The following TPM3 variants were observed in gnomAD, a reference collection of about 807,000 sequenced individuals.
TPM3 encodes the protein tropomyosin alpha-3 chain.
TPM3 carries 16 observed loss-of-function variants against 43.1 expected under a neutral mutation model. The observed-to-expected ratio is 0.37, with a 90% CI of 0.25 to 0.56. TPM3 has a LOEUF of 0.56. TPM3 is among the 20% of genes least tolerant of loss of function. The pLI is 0.77. For synonymous variants in TPM3, 101 were observed against 116.9 expected, an observed-to-expected ratio of 0.86 and a Z score of 0.88; for missense variants, 176 against 337.2, an observed-to-expected ratio of 0.52 and a Z score of 3.74.
chr1:154,191,433 C>A (rs1663677560), intron 1 of TPM3, 122 bp from the exon 2 acceptor site: 1 of 1,528,488 alleles, frequency 6.5e-7, no homozygotes, highest in Admixed American at 1.9e-5. Context: ...GACACACTTT[C>A]TCCCCAGCCA....
chr1:154,171,323 T>C (rs1661548477), intron 6 of TPM3, 90 bp downstream of exon 6: 2 of 1,368,550 alleles, frequency 1.5e-6, no homozygotes, highest in Non-Finnish European at 2.1e-6. Context: ...CTCACTGGAT[T>C]ATATATGGAA....
downstream of TPM3, chr1:154,158,863 A>C (rs1450633324): frequency 4.0e-6 from 3 of 741,730 alleles, no homozygotes; most frequent in Non-Finnish European, 7.4e-6. Context: ...CAATTTGCTC[A>C]GGGCAAAATA....
At chr1:154,178,292 A>C in intron 2 of TPM3, 1 of 623,736 alleles carries the variant, frequency 1.6e-6, no homozygotes. Context: ...CAGCATTTAC[A>C]ATAGAATTCT....
chr1:154,158,957 G>A (rs1443052653), downstream of TPM3: 2 of 780,008 alleles, frequency 2.6e-6, no homozygotes, highest in Non-Finnish European at 2.4e-6. Flanking sequence ...GGGCATCATT[G>A]AGCCCTGCCC....
rs772468604 is a variant in TPM3, at chr1:154,176,091, A to G, written c.377+24T>C. 8 of 1,611,298 alleles carry G rather than the reference A, an allele frequency of 5.0e-6. No homozygotes were observed. The South Asian group carries it at 7.7e-5, about 16-fold the overall frequency. ...ACTATTATGAACTTTTAAAATCCAC[A>G]CTCCATCAGGCTTCCCTACACACCT... On this transcript the variant is annotated intron_variant, in intron 3 of 9. Transcript: ENST00000651641.
chr1:154,167,717 T>C lies in TPM3; in HGVS notation c.*220A>G. ...CTTCTTAGGGACAGCAACAGCTTTG[T>C]CAATGACACAAATGCAGGGTGGCAT... On this transcript the variant is annotated 3_prime_UTR_variant, in exon 10 of 10. Transcript: ENST00000651641. The C allele has an allele frequency of 7.1e-7, 1 of 1,412,640 alleles. No homozygotes were observed. Among genetic ancestry groups the C allele is most frequent in the Non-Finnish European group, 9.3e-7 (1 of 1,077,234 alleles). 87.5% of individuals were successfully genotyped at this position (1,412,640 alleles called of 1,614,324 possible). A position where few individuals can be genotyped will look rare whatever the true frequency, so the allele number is the denominator to read the frequency against.
intron 2 of TPM3, among the ~76,000 whole-genome samples, chr1:154,186,045 C>T (rs903608144): frequency 2.7e-4 from 41 of 151,482 alleles, no homozygotes; most frequent in East Asian, 1.9e-4. Flanking sequence ...TTGGAAATAC[C>T]GAGCAATGAG....
At chr1:154,185,409 C>T (rs1309972820) in intron 2 of TPM3, among the ~76,000 whole-genome samples, 4 of 137,656 alleles carry the variant, frequency 2.9e-5, no homozygotes, top group Non-Finnish European at 4.6e-5. Context: ...ACAGACCAGG[C>T]GCAGTGGCTC....
rs985739936 is a variant in TPM3 at position 154,173,744 on chromosome 1, C to T, written c.378-543G>A. On this transcript the variant is annotated intron_variant, in intron 3 of 9. Coordinates refer to ENST00000651641, the MANE Select transcript of TPM3 (RefSeq NM_152263.4). ...GTGGCTCATGCCTGTAATCCCAGTA[C>T]TTTGAGAGGTCAAGTCAGGTGGATC... Among the ~76,000 whole-genome samples the T allele has an allele frequency of 3.9e-5, 6 of 151,974 alleles. No individual in the cohort carries two copies. The East Asian group carries it at 1.2e-3, about 29-fold the overall frequency.
At chr1:154,155,494 C>G (rs927753566), downstream of TPM3, 6 of 236,692 alleles carry the variant, frequency 2.5e-5, no homozygotes, top group Non-Finnish European at 8.3e-6. Context: ...TCAAGGGAAC[C>G]GTGTATTTTT....
chr1:154,177,146 T>C (rs879602477), intron 2 of TPM3, among the ~76,000 whole-genome samples: 2 of 152,174 alleles, frequency 1.3e-5, no homozygotes, highest in Admixed American at 1.3e-4. Flanking sequence ...AATGGAATAT[T>C]GTTGGGATGC....
At chr1:154,185,715 A>G (rs1447925863) in intron 2 of TPM3, among the ~76,000 whole-genome samples, 2 of 151,182 alleles carry the variant, frequency 1.3e-5, no homozygotes, top group African/African-American at 4.9e-5. Context: ...GTCTGAAAAA[A>G]AAAAAAAGAA....
intron 2 of TPM3, among the ~76,000 whole-genome samples, chr1:154,190,569 C>A (rs1663637197): frequency 6.6e-6 from 1 of 152,296 alleles, no homozygotes; most frequent in South Asian, 2.1e-4. Context: ...TACCTTTACC[C>A]CCTAAGATTC....
At chr1:154,169,953 G>T (rs975516807) in intron 8 of TPM3, 1 of 250,776 alleles carries the variant, frequency 4.0e-6, no homozygotes, top group Non-Finnish European at 7.8e-6. Context: ...TCCTGACATT[G>T]GTCAATGTTC....
intron 3 of TPM3, among the ~76,000 whole-genome samples, chr1:154,174,329 T>C (rs1243749314): frequency 1.4e-5 from 2 of 139,554 alleles, no homozygotes; most frequent in African/African-American, 2.6e-5. Context: ...AGTGAGACTC[T>C]GTCTCAAAAA....
chr1:154,171,513 G>C (rs375818679), intron 5 of TPM3, 25 bp from the exon 6 acceptor site: 210 of 1,610,558 alleles, frequency 1.3e-4, no homozygotes, highest in Middle Eastern at 1.2e-3. Context: ...AATACCACAG[G>C]AGAGGAAAAG....
chr1:154,174,366 GTGTATATATATA>G, intron 3 of TPM3, among the ~76,000 whole-genome samples: 1 of 14,976 alleles, frequency 6.7e-5, no homozygotes, highest in East Asian at 3.2e-3. Flanking sequence ...TTAAATATAT[GTGTATATATATA>G]TATATATATA....
At chr1:154,176,451 A>G (rs573050312) in intron 2 of TPM3, among the ~76,000 whole-genome samples, 1 of 152,212 alleles carries the variant, frequency 6.6e-6, no homozygotes, top group African/African-American at 2.4e-5. Flanking sequence ...ACGAACTCCC[A>G]TATGTTCCAC....
Position 154,170,691 on chromosome 1 carries a change from T to G in TPM3, c.663A>C (p.Lys221Asn). 6.2e-7 allele frequency: 1 copy of G among 1,611,610 alleles called. No individual in the cohort carries two copies. Among genetic ancestry groups the G allele is most frequent in the Non-Finnish European group, 8.5e-7 (1 of 1,178,452 alleles). The change falls in exon 7 of 10, where the codon AAA becomes AAC. Residue 221 changes from lysine to asparagine, a missense_variant. By Grantham distance (94) the Lys-to-Asn change is moderately conservative. This residue lies in a region of TPM3 where 53 missense variants were observed against 98.3 expected (regional missense o/e 0.54). Transcript: ENST00000651641. ...TAAGAATCTTGATTTCTTCCTCATA[T>G]TTATCTTCTTTTTGAGAGTACTGTA... ...QAEKYSQKEDKYEEEIKILTD... is the reference protein window; with the variant it reads ...QAEKYSQKEDNYEEEIKILTD...
Sources: allele counts gnomAD v4.1 joint callset (sites outside exome capture counted in the v4.1 genomes callset), GRCh38; gene constraint gnomAD v4.1.1; regional missense constraint gnomAD v4.1.1; transcripts MANE v1.5; gene names NCBI Gene and HGNC (gene_info 2026-07-23, HGNC 2026-07-21).